LIN28B: variants seen among roughly 807,000 people sequenced by gnomAD.
LIN28B encodes the protein protein lin-28 homolog B.
LIN28B carries 5 observed loss-of-function variants against 21.9 expected under a neutral mutation model. The ratio of observed to expected loss-of-function variants is 0.23; its 90% CI spans 0.12 to 0.48. The LOEUF is 0.48. Among genes scored for constraint, LIN28B ranks in the 20% least tolerant of loss-of-function variants. The probability of loss-of-function intolerance (pLI) is 0.98; values close to 1 mark genes in which losing one functional copy is unlikely to be tolerated. For missense variants in LIN28B, 245 were observed against 310.5 expected, an observed-to-expected ratio of 0.79 and a Z score of 1.58; for synonymous variants, 109 against 111.3, an observed-to-expected ratio of 0.98 and a Z score of 0.13.
chr6:105,052,187 T>C (rs572612604), intron 3 of LIN28B, among the ~76,000 whole-genome samples: 1 of 152,238 alleles, frequency 6.6e-6, no homozygotes, highest in East Asian at 1.9e-4. Context: ...AGTGAATTGA[T>C]TGATGAGAAG....
At chr6:105,044,300 CTCTT>C (rs1771699361) in intron 3 of LIN28B, among the ~76,000 whole-genome samples, 1 of 152,158 alleles carries the variant, frequency 6.6e-6, no homozygotes, top group Non-Finnish European at 1.5e-5. Context: ...GCTTGTCCTA[CTCTT>C]TCTTCCGCTA....
chr6:105,023,322 A>T (rs1293309313), intron 2 of LIN28B, among the ~76,000 whole-genome samples: 4 of 38,964 alleles, frequency 1.0e-4, no homozygotes, highest in Admixed American at 6.0e-4. Flanking sequence ...TATTATATAT[A>T]ATATATATAA....
At chr6:105,036,115 C>CT (rs1048616005) in intron 3 of LIN28B, among the ~76,000 whole-genome samples, 43 of 152,154 alleles carry the variant, frequency 2.8e-4, no homozygotes, top group African/African-American at 7.0e-4. Flanking sequence ...TACTTGTATG[C>CT]TTTTTTTCAT....
intron 3 of LIN28B, among the ~76,000 whole-genome samples, chr6:105,060,890 TAAA>T (rs1772111664): frequency 1.3e-5 from 2 of 152,232 alleles, no homozygotes; most frequent in South Asian, 2.1e-4. Flanking sequence ...GTGATCAGAG[TAAA>T]GAAAGTAGTT....
chr6:105,056,819 G>C (rs1388823971), intron 3 of LIN28B, among the ~76,000 whole-genome samples: 1 of 152,146 alleles, frequency 6.6e-6, no homozygotes, highest in Non-Finnish European at 1.5e-5. Flanking sequence ...AGATCCTGCT[G>C]TGCTTGTGTT....
chr6:104,948,514 T>G (rs1444654844), intron 2 of LIN28B, among the ~76,000 whole-genome samples: 1 of 152,208 alleles, frequency 6.6e-6, no homozygotes, highest in Non-Finnish European at 1.5e-5. Context: ...GTATAAAATG[T>G]CAGTGGCTGT....
chr6:105,006,308 T>C lies in LIN28B; in HGVS notation c.199-19990T>C, dbSNP rs561512194. Reference sequence around the variant, plus strand: ...GTCTAGATTATGGTTCTGTTCTGTTTTGTTTTGTTTTGTTTTGTTTTGAGA... The same window carrying C: ...GTCTAGATTATGGTTCTGTTCTGTTCTGTTTTGTTTTGTTTTGTTTTGAGA... On this transcript the variant is annotated intron_variant, in intron 2 of 3. Transcript: ENST00000345080. Among the ~76,000 whole-genome samples the C allele has an allele frequency of 7.4e-4, 113 of 152,076 alleles. 1 individual carries two copies. The highest frequency in any genetic ancestry group is 1.5e-3 in the Admixed American group (23 of 15,260).
intron 2 of LIN28B, among the ~76,000 whole-genome samples, chr6:105,015,454 G>C (rs1314404371): frequency 5.9e-5 from 9 of 151,902 alleles, no homozygotes; most frequent in Non-Finnish European, 2.9e-5. Context: ...CAAAGAGTCG[G>C]GTCTTGCTTT....
At chr6:105,044,654 C>T (rs1771709017) in intron 3 of LIN28B, among the ~76,000 whole-genome samples, 1 of 152,052 alleles carries the variant, frequency 6.6e-6, no homozygotes, top group African/African-American at 2.4e-5. Context: ...TTTTTTCATG[C>T]TCTAAAAATT....
At chr6:104,992,807 G>T (rs1001452265) in intron 2 of LIN28B, among the ~76,000 whole-genome samples, 2 of 152,052 alleles carry the variant, frequency 1.3e-5, no homozygotes, top group African/African-American at 4.8e-5. Flanking sequence ...ATTGTGTCTG[G>T]CCTGATCAAG....
intron 3 of LIN28B, among the ~76,000 whole-genome samples, chr6:105,051,562 C>T (rs1259331614): frequency 6.6e-6 from 1 of 151,130 alleles, no homozygotes; most frequent in Non-Finnish European, 1.5e-5. Context: ...TCAAATAAAT[C>T]TGCAATAGAA....
At chr6:104,981,178 T>C (rs1399891383) in intron 2 of LIN28B, among the ~76,000 whole-genome samples, 2 of 152,198 alleles carry the variant, frequency 1.3e-5, no homozygotes, top group African/African-American at 4.8e-5. Flanking sequence ...TTAAAATCAT[T>C]CTACTCATAT....
At chr6:104,983,411 C>G (rs192444358) in intron 2 of LIN28B, among the ~76,000 whole-genome samples, 5 of 152,190 alleles carry the variant, frequency 3.3e-5, no homozygotes. Context: ...CTACTAGTAG[C>G]GTCTGGGAAT....
chr6:105,020,437 C>G (rs1263966929), intron 2 of LIN28B, among the ~76,000 whole-genome samples: 1 of 151,776 alleles, frequency 6.6e-6, no homozygotes, highest in Non-Finnish European at 1.5e-5. Context: ...TCACTGCAGC[C>G]TCCCTAGTAG....
At chr6:104,958,547 C>T (rs879692697) in intron 2 of LIN28B, among the ~76,000 whole-genome samples, 5 of 152,132 alleles carry the variant, frequency 3.3e-5, no homozygotes, top group Non-Finnish European at 5.9e-5. Context: ...CTGCTTCATT[C>T]TACAGCGAAA....
intron 3 of LIN28B, among the ~76,000 whole-genome samples, chr6:105,042,291 T>G (rs1415584118): frequency 2.0e-5 from 3 of 152,206 alleles, no homozygotes; most frequent in African/African-American, 7.2e-5. Context: ...GTCTGTAAAC[T>G]GTTACTGTTT....
At chr6:105,047,835 A>G (rs995607088) in intron 3 of LIN28B, among the ~76,000 whole-genome samples, 1 of 152,132 alleles carries the variant, frequency 6.6e-6, no homozygotes, top group Non-Finnish European at 1.5e-5. Context: ...TTATTGGTGT[A>G]TAAGAATGCT....
intron 2 of LIN28B, among the ~76,000 whole-genome samples, chr6:104,970,050 G>A (rs1307995735): frequency 2.0e-5 from 3 of 152,158 alleles, no homozygotes; most frequent in Non-Finnish European, 4.4e-5. Context: ...TGTGCCAGTG[G>A]GGGATGGTGT....
intron 2 of LIN28B, among the ~76,000 whole-genome samples, chr6:104,993,812 G>T (rs1319454442): frequency 6.9e-6 from 1 of 144,328 alleles, no homozygotes; most frequent in African/African-American, 2.6e-5. Flanking sequence ...TTCCAGCCTG[G>T]ATGACAGAGC....
Sources: gnomAD v4.1 joint callset for allele counts (sites outside exome capture counted in the v4.1 genomes callset) on GRCh38, gnomAD v4.1.1 for gene constraint, MANE v1.5 for transcripts, NCBI Gene and HGNC (gene_info 2026-07-23, HGNC 2026-07-21) for gene names.